Variants in SKAP1 observed in about 807,000 individuals in gnomAD.
SKAP1 encodes the protein src kinase associated phosphoprotein 1.
SKAP1 carries 44 observed loss-of-function variants against 58.5 expected under a neutral mutation model. That is an observed-to-expected ratio of 0.75 (90% confidence interval 0.59 to 0.97). The LOEUF (loss-of-function observed/expected upper bound fraction) is 0.97. Among genes scored for constraint, SKAP1 ranks in the 50% least tolerant of loss-of-function variants. SKAP1 has a pLI of 0.00. For missense variants in SKAP1, 390 were observed against 435.2 expected, an observed-to-expected ratio of 0.90 and a Z score of 0.92; for synonymous variants, 127 against 149.7, an observed-to-expected ratio of 0.85 and a Z score of 1.11.
At chr17:48,174,457 A>G (rs2064261936) in intron 9 of SKAP1, among the ~76,000 whole-genome samples, 1 of 152,182 alleles carries the variant, frequency 6.6e-6, no homozygotes, top group South Asian at 2.1e-4. Context: ...CACAATACAA[A>G]TAGGCATACA....
chr17:48,442,342 AATCT>A, the SKAP1 span, among the ~76,000 whole-genome samples: 1 of 152,194 alleles, frequency 6.6e-6, no homozygotes, highest in Admixed American at 6.5e-5. Context: ...CAGAAAAAGC[AATCT>A]ATCCATCATA....
intron 4 of SKAP1, among the ~76,000 whole-genome samples, chr17:48,255,108 G>A (rs144243666): frequency 1.6e-4 from 24 of 152,196 alleles, no homozygotes; most frequent in African/African-American, 5.5e-4. Context: ...CTAGTGAAAG[G>A]CAGATGGTGA....
In SKAP1 at chr17:48,180,233, G is replaced by A; in HGVS notation, c.647C>T (p.Thr216Ile). The A allele has an allele frequency of 1.3e-6, 2 of 1,586,256 alleles. No homozygotes were observed. Among genetic ancestry groups the A allele is most frequent in the South Asian group, 1.1e-5 (1 of 87,464 alleles). The change falls in exon 9 of 13, where the codon ACC (threonine) becomes ATC (isoleucine). Residue 216 changes from threonine to isoleucine, a missense_variant. Thr to Ile is a moderately conservative substitution (Grantham distance 89, BLOSUM62 -1). Transcript: ENST00000336915. ...CTCCTCATCCTCTTCATATGGAATG[G>A]TTAAGGAGCTCAGATCTAACAAGGC... Reference protein sequence around the residue: ...SFLLKDLSSLTIPYEEDEEEE... With the variant: ...SFLLKDLSSLIIPYEEDEEEE...
chr17:48,437,721 G>A, the SKAP1 span, among the ~76,000 whole-genome samples: 1 of 112,128 alleles, frequency 8.9e-6, no homozygotes, highest in African/African-American at 3.6e-5. Flanking sequence ...CAGCCTGGGA[G>A]ACAGAGCAAG....
At position 48,406,724 on chromosome 17, in the gene SKAP1, C is replaced by T. The variant is rs141620895; in HGVS notation, c.47-9939G>A. Among the ~76,000 whole-genome samples the T allele has an allele frequency of 7.0e-3, 1,068 of 152,188 alleles. 5 individuals carry two copies. Among genetic ancestry groups the T allele is most frequent in the South Asian group, 0.022 (108 of 4,814 alleles). ...GGGATTAAAGGTGCCCACGACCATG[C>T]CTAGCTAATTTTTGCATTTTTAGTA... On this transcript the variant is annotated intron_variant, in intron 1 of 12. Transcript: ENST00000336915.
intron 4 of SKAP1, among the ~76,000 whole-genome samples, chr17:48,221,959 T>A (rs2065011117): frequency 6.6e-6 from 1 of 152,134 alleles, no homozygotes; most frequent in Non-Finnish European, 1.5e-5. Context: ...AAAGCCCAAT[T>A]GGTTAACATC....
intron 4 of SKAP1, among the ~76,000 whole-genome samples, chr17:48,256,150 A>C (rs2143903697): frequency 6.6e-6 from 1 of 151,840 alleles, no homozygotes; most frequent in South Asian, 2.1e-4. Context: ...TCTTCTTAAT[A>C]ATGTGCATTC....
chr17:48,443,460 CTGTTTGTT>C, the SKAP1 span, among the ~76,000 whole-genome samples: 211 of 150,096 alleles, frequency 1.4e-3, no homozygotes, highest in Middle Eastern at 6.8e-3. Context: ...CAAGGTAAGT[CTGTTTGTT>C]TGTTTGTTTG....
intron 4 of SKAP1, among the ~76,000 whole-genome samples, chr17:48,217,339 G>A (rs1598436071): frequency 6.6e-6 from 1 of 152,126 alleles, no homozygotes; most frequent in South Asian, 2.1e-4. Context: ...AGGGGTTTCT[G>A]AATAGATTTC....
At chr17:48,430,878 G>A (rs1172249336), upstream of SKAP1, among the ~76,000 whole-genome samples, 1 of 152,138 alleles carries the variant, frequency 6.6e-6, no homozygotes, top group African/African-American at 2.4e-5. Context: ...CAGGAGCTGC[G>A]GAAGGGAGGA....
At chr17:48,326,958 C>T (rs2066445859) in intron 4 of SKAP1, among the ~76,000 whole-genome samples, 1 of 149,358 alleles carries the variant, frequency 6.7e-6, no homozygotes, top group Non-Finnish European at 1.5e-5. Context: ...GTGGCGTGAC[C>T]TTGGCTCACT....
At chr17:48,306,994 C>T (rs1480790287) in intron 4 of SKAP1, among the ~76,000 whole-genome samples, 2 of 152,162 alleles carry the variant, frequency 1.3e-5, no homozygotes, top group Non-Finnish European at 2.9e-5. Context: ...AATCCACCCA[C>T]GAAGGATTAT....
At chr17:48,439,424 T>G in the SKAP1 span, among the ~76,000 whole-genome samples, 1 of 152,136 alleles carries the variant, frequency 6.6e-6, no homozygotes, top group African/African-American at 2.4e-5. Flanking sequence ...CTCAGCCTAT[T>G]AAGGTGCCCG....
chr17:48,336,457 G>A (rs72827834), intron 4 of SKAP1, among the ~76,000 whole-genome samples: 23,205 of 152,052 alleles, frequency 0.15, 2,408 homozygotes, highest in Non-Finnish European at 0.22. Context: ...TGAAATTTAT[G>A]TAGTTTGGAA....
chr17:48,176,925 G>C (rs935093847), intron 9 of SKAP1, among the ~76,000 whole-genome samples: 63 of 152,160 alleles, frequency 4.1e-4, no homozygotes, highest in Non-Finnish European at 7.8e-4. Flanking sequence ...AGACAGTGTG[G>C]GCTTGTGTGG....
intron 4 of SKAP1, among the ~76,000 whole-genome samples, chr17:48,339,978 C>A (rs994791097): frequency 1.3e-5 from 2 of 151,878 alleles, no homozygotes; most frequent in African/African-American, 2.4e-5. Flanking sequence ...GTCGGGAGTT[C>A]GAGACCAGCC....
intron 4 of SKAP1, among the ~76,000 whole-genome samples, chr17:48,290,137 A>G (rs2065882157): frequency 6.6e-6 from 1 of 152,182 alleles, no homozygotes; most frequent in South Asian, 2.1e-4. Flanking sequence ...TTTGGATATC[A>G]AAGTCCACTA....
chr17:48,297,252 A>G (rs1293889134), intron 4 of SKAP1, among the ~76,000 whole-genome samples: 1 of 152,222 alleles, frequency 6.6e-6, no homozygotes, highest in Non-Finnish European at 1.5e-5. Flanking sequence ...ATTTATCATG[A>G]CACAAATTTT....
intron 4 of SKAP1, among the ~76,000 whole-genome samples, chr17:48,321,965 C>T (rs926401727): frequency 6.6e-6 from 1 of 152,236 alleles, no homozygotes; most frequent in African/African-American, 2.4e-5. Context: ...CTGTTCCTAC[C>T]TGTGCAGCCT....
Sources: allele counts gnomAD v4.1 joint callset (sites outside exome capture counted in the v4.1 genomes callset), GRCh38; gene constraint gnomAD v4.1.1; transcripts MANE v1.5; gene names NCBI Gene and HGNC (gene_info 2026-07-23, HGNC 2026-07-21).